POLH: variants seen among roughly 807,000 people sequenced by gnomAD.
POLH encodes DNA polymerase eta transcript.
A neutral mutation model predicts 73.6 loss-of-function variants in POLH; 53 were observed. The ratio of observed to expected loss-of-function variants is 0.72; its 90% CI spans 0.58 to 0.91. The LOEUF is 0.91. Among genes scored for constraint, POLH ranks in the 40% least tolerant of loss-of-function variants. The pLI is 0.00. For missense variants in POLH, 768 were observed against 865.4 expected, an observed-to-expected ratio of 0.89 and a Z score of 1.41; for synonymous variants, 292 against 308.5, an observed-to-expected ratio of 0.95 and a Z score of 0.56.
At chr6:43,581,656 A>ACTCCATC (rs1386493281) in intron 1 of POLH, among the ~76,000 whole-genome samples, 1 of 122,006 alleles carries the variant, frequency 8.2e-6, no homozygotes, top group Non-Finnish European at 1.6e-5. Context: ...TGCCCGCTGA[A>ACTCCATC]CTCCATCCTC....
At chr6:43,606,979 A>C (rs1767373538) in intron 9 of POLH, among the ~76,000 whole-genome samples, 1 of 152,160 alleles carries the variant, frequency 6.6e-6, no homozygotes, top group African/African-American at 2.4e-5. Flanking sequence ...TTTCATATAA[A>C]TGTGGTCTTT....
At chr6:43,588,667 G>C (rs1765109981) in intron 4 of POLH, 1 of 152,320 alleles carries the variant, frequency 6.6e-6, no homozygotes, top group Non-Finnish European at 1.5e-5. Flanking sequence ...TGGCCAGGCA[G>C]GTCTGGAACT....
chr6:43,592,189 CA>C (rs923625073), intron 4 of POLH, among the ~76,000 whole-genome samples: 9 of 152,262 alleles, frequency 5.9e-5, no homozygotes, highest in African/African-American at 2.2e-4. Context: ...TTGATGTGTG[CA>C]ACCACAAAAA....
At chr6:43,605,072 G>C (rs1431610578) in intron 8 of POLH, among the ~76,000 whole-genome samples, 182 bp from the exon 9 acceptor site, 1 of 152,080 alleles carries the variant, frequency 6.6e-6, no homozygotes, top group Non-Finnish European at 1.5e-5. Context: ...GAAAATGAAA[G>C]GCTTGAGCTA....
chr6:43,578,584 T>C (rs1763659485), intron 1 of POLH: 1 of 272,550 alleles, frequency 3.7e-6, no homozygotes, highest in Non-Finnish European at 7.1e-6. Context: ...ATGCCACAGA[T>C]TGGGGGGCAG....
At position 43,613,702 on chromosome 6, in the gene POLH, TTCTGCC is replaced by T; in HGVS notation, c.1294_1299del (p.Ser432_Ala433del). 6.2e-7 allele frequency: 1 copy of T among 1,614,050 alleles called. No individual in the cohort carries two copies. Among genetic ancestry groups the T allele is most frequent in the Non-Finnish European group, 8.5e-7 (1 of 1,179,984 alleles). ...TGCTTTTCCTCTGTGCTACAAAATT[TTCTGCC>T]TCTGCCCCTTCATCTTCTACAGACA... On this transcript the variant is annotated inframe_deletion, in exon 11 of 11. Coordinates refer to ENST00000372236, the MANE Select transcript of POLH (RefSeq NM_006502.3).
Position 43,583,147 on chromosome 6 carries a change from A to T in POLH, c.272+6A>T. ...GGGAAAGCTAACCTCACCAAGTAAG[A>T]AAAAAACATTATTTAAGGAGACATA... is the stretch of plus-strand genomic sequence containing the variant. On this transcript the variant is annotated splice_donor_region_variant and intron_variant, in intron 3 of 10. Coordinates refer to ENST00000372236, the MANE Select transcript of POLH (RefSeq NM_006502.3). 1 of 1,613,442 alleles carries T rather than the reference A, an allele frequency of 6.2e-7. No individual in the cohort carries two copies. The highest frequency in any genetic ancestry group is 8.5e-7 in the Non-Finnish European group (1 of 1,179,456).
intron 5 of POLH, among the ~76,000 whole-genome samples, chr6:43,599,263 A>G (rs1385883057): frequency 1.3e-5 from 2 of 152,092 alleles, no homozygotes; most frequent in Admixed American, 6.6e-5. Context: ...TGCTGGGATT[A>G]CAGGCATGAG....
Position 43,614,334 on chromosome 6 carries a change from C to T in POLH, c.1919C>T (p.Ser640Phe). ...EDQVPCEKCGSLVPVWDMPEH... is the reference protein window; with the variant it reads ...EDQVPCEKCGFLVPVWDMPEH... The stretch of plus-strand genomic sequence containing the variant: ...CAAGTGCCCTGTGAGAAGTGTGGCT[C>T]CCTGGTACCGGTATGGGATATGCCA... The change falls in exon 11 of 11, where the codon TCC becomes TTC. Residue 640 changes from serine to phenylalanine, a missense_variant. Coordinates refer to ENST00000372236, the MANE Select transcript of POLH (RefSeq NM_006502.3). 1 of 1,606,198 alleles carries T rather than the reference C, an allele frequency of 6.2e-7. No homozygotes were observed. The highest frequency in any genetic ancestry group is 8.5e-7 in the Non-Finnish European group (1 of 1,174,040).
chr6:43,600,360 A>G (rs1247411768), intron 5 of POLH, among the ~76,000 whole-genome samples: 1 of 152,030 alleles, frequency 6.6e-6, no homozygotes, highest in East Asian at 1.9e-4. Context: ...GGGCGGTTGC[A>G]GTGAGCCAAG....
intron 9 of POLH, among the ~76,000 whole-genome samples, chr6:43,609,343 T>C (rs1380487958): frequency 1.3e-5 from 2 of 152,246 alleles, no homozygotes; most frequent in Non-Finnish European, 2.9e-5. Context: ...CAACAAGGAC[T>C]CCTTTATAAT....
intron 3 of POLH, among the ~76,000 whole-genome samples, chr6:43,585,526 G>T (rs1388813806): frequency 6.6e-6 from 1 of 151,960 alleles, no homozygotes; most frequent in African/African-American, 2.4e-5. Context: ...GTGATTCCAA[G>T]GATTTTTGGA....
Position 43,604,479 on chromosome 6 carries a change from C to T in POLH, c.885-136C>T, listed in dbSNP as rs111226936. 2.2e-3 allele frequency: 1,920 copies of T among 881,084 alleles called. 16 individuals are homozygous for T. The African/African-American group carries it at 0.025, about 11-fold the overall frequency. 54.6% of individuals were successfully genotyped at this position (881,084 alleles called of 1,614,324 possible). On this transcript the variant is annotated intron_variant, in intron 7 of 10. Coordinates refer to ENST00000372236, the MANE Select transcript of POLH (RefSeq NM_006502.3). ...AAGGGCAGGGGTTTCGTCAGAGGTCCGGTACACTAAATTTTGGACAAGGTT... is the reference window on the plus strand; with the variant it reads ...AAGGGCAGGGGTTTCGTCAGAGGTCTGGTACACTAAATTTTGGACAAGGTT...
chr6:43,580,210 G>C (rs1763872027), intron 1 of POLH, among the ~76,000 whole-genome samples: 1 of 143,376 alleles, frequency 7.0e-6, no homozygotes, highest in African/African-American at 2.7e-5. Context: ...ATGTTTCAGA[G>C]AGCACAGGGT....
intron 4 of POLH, among the ~76,000 whole-genome samples, chr6:43,594,921 CACTTTGTGAGGCCAAGGCTGGGG>C (rs1488834043): frequency 1.4e-5 from 2 of 145,060 alleles, no homozygotes; most frequent in Non-Finnish European, 3.0e-5. Flanking sequence ...GTAATCCCAT[CACTTTGTGAGGCCAAGGCTGGGG>C]GCTGGGGAGG....
At chr6:43,580,721 A>C (rs1238626016) in intron 1 of POLH, among the ~76,000 whole-genome samples, 713 of 50,734 alleles carry the variant, frequency 0.014, no homozygotes, top group Middle Eastern at 0.038. Context: ...GGGGGCCGAC[A>C]CCCCCACCTC....
intron 7 of POLH, 99 bp downstream of exon 7, chr6:43,604,110 TA>T: frequency 1.0e-6 from 1 of 984,584 alleles, no homozygotes; most frequent in Non-Finnish European, 1.6e-6. Flanking sequence ...ATCTTTAGGT[TA>T]ACATTTGTTT....
In POLH at chr6:43,601,006, T is replaced by G. The variant is rs765677072; in HGVS notation, c.679T>G (p.Cys227Gly). 1 of 1,614,014 alleles carries G rather than the reference T, an allele frequency of 6.2e-7. No homozygotes were observed. Among genetic ancestry groups the G allele is most frequent in the Admixed American group, 1.7e-5 (1 of 60,022 alleles). The change falls in exon 6 of 11, where the codon TGT becomes GGT. Residue 227 changes from cysteine to glycine, a missense_variant. Cys to Gly is a radical substitution (Grantham distance 159, BLOSUM62 -3). Transcript: ENST00000372236. Reference protein sequence around the residue: ...SHNKVLAKLACGLNKPNRQTL... With the variant: ...SHNKVLAKLAGGLNKPNRQTL... ...CTTCCAGGTCCTGGCAAAACTGGCC[T>G]GTGGACTAAACAAGCCCAACCGCCA...
At chr6:43,576,775 C>G (rs1763391896) in intron 1 of POLH, among the ~76,000 whole-genome samples, 1 of 152,186 alleles carries the variant, frequency 6.6e-6, no homozygotes. Context: ...TGATAATTGG[C>G]CAAGTGCTAT....
Sources: allele counts gnomAD v4.1 joint callset (sites outside exome capture counted in the v4.1 genomes callset), GRCh38; gene constraint gnomAD v4.1.1; transcripts MANE v1.5; gene names NCBI Gene and HGNC (gene_info 2026-07-23, HGNC 2026-07-21).